The following RPRD1B variants were observed in gnomAD, a reference collection of about 807,000 sequenced individuals.
RPRD1B encodes the protein regulation of nuclear pre-mRNA domain containing 1B, also known as regulation of nuclear pre-mRNA domain-containing protein 1B.
RPRD1B carries 11 observed loss-of-function variants against 41.5 expected under a neutral mutation model. The observed-to-expected ratio is 0.27, with a 90% CI of 0.17 to 0.44. The LOEUF is 0.44. Ranked by LOEUF, RPRD1B falls within the 20% of genes least tolerant of loss-of-function variation. The probability of loss-of-function intolerance (pLI) is 1.00; values close to 1 mark genes in which losing one functional copy is unlikely to be tolerated. For synonymous variants in RPRD1B, 158 were observed against 155.6 expected (o/e 1.02, Z -0.12); for missense variants, 248 against 389.9 (o/e 0.64, Z 3.06).
intron 2 of RPRD1B, among the ~76,000 whole-genome samples, chr20:38,044,482 T>C (rs1198051316): frequency 6.6e-6 from 1 of 151,496 alleles, no homozygotes; most frequent in Non-Finnish European, 1.5e-5. Context: ...CATGCCATTC[T>C]CCTGCCTCAG....
At position 38,090,004 on chromosome 20, in the gene RPRD1B, C is replaced by T; in HGVS notation, c.*129C>T. The stretch of plus-strand genomic sequence containing the variant: ...CCAGCCCCCCAGCCTCAAGAAAGAA[C>T]CTCAGACTCTGATTCTCCTCTTCAG... On this transcript the variant is annotated 3_prime_UTR_variant, in exon 7 of 7. Coordinates refer to ENST00000373433, the MANE Select transcript of RPRD1B (RefSeq NM_021215.4). The T allele has an allele frequency of 6.8e-7, 1 of 1,460,840 alleles. No individual in the cohort carries two copies. The highest frequency in any genetic ancestry group is 2.4e-5 in the East Asian group (1 of 41,798). 90.5% of individuals were successfully genotyped at this position (1,460,840 alleles called of 1,614,324 possible).
chr20:38,048,455 A>G lies in RPRD1B; in HGVS notation c.389A>G (p.Glu130Gly), dbSNP rs1386989716. 11 of 1,611,960 alleles carry G rather than the reference A, an allele frequency of 6.8e-6. No homozygotes were observed. Among genetic ancestry groups the G allele is most frequent in the Admixed American group, 1.7e-5 (1 of 60,004 alleles). Residue 130 changes from glutamate (E) to glycine (G), a missense_variant, in exon 3 of 7, where the codon GAG becomes GGG. By Grantham distance (98) the Glu-to-Gly change is moderately conservative (BLOSUM62 -2). Transcript: ENST00000373433. The stretch of plus-strand genomic sequence containing the variant: ...ATACAGCAGCTGAAGCTGTCTATGG[A>G]GGACTCCAAGAGCCCTCCCCCCAAA... ...EFIQQLKLSMEDSKSPPPKAT... is the reference protein window; with the variant it reads ...EFIQQLKLSMGDSKSPPPKAT...
chr20:38,049,367 CTTTTTTTTTTT>C (rs11481142), intron 3 of RPRD1B, among the ~76,000 whole-genome samples: 5 of 93,418 alleles, frequency 5.4e-5, no homozygotes, highest in Non-Finnish European at 1.0e-4. Flanking sequence ...TTCTTTTTTT[CTTTTTTTTTTT>C]TTTTTTTTTT....
In RPRD1B at chr20:38,090,256, G is replaced by GCTTCTC; in HGVS notation, c.*385_*390dup. The GCTTCTC allele has an allele frequency of 1.0e-6, 1 of 991,930 alleles. No individual in the cohort carries two copies. The highest frequency in any genetic ancestry group is 1.2e-6 in the Non-Finnish European group (1 of 833,784). The allele number at this position is 991,930 out of a possible 1,614,324, so 61.4% of individuals were successfully genotyped here. A position where few individuals can be genotyped will look rare whatever the true frequency, so the allele number is the denominator to read the frequency against. Reference sequence around the variant, plus strand: ...ATGACAGCATTTTATCATGAAAGCAGCTTCTCCTTTCTGGGCTGGGCTTGT... The same window carrying GCTTCTC: ...ATGACAGCATTTTATCATGAAAGCAGCTTCTCCTTCTCCTTTCTGGGCTGGGCTTGT... On this transcript the variant is annotated 3_prime_UTR_variant, in exon 7 of 7. Transcript: ENST00000373433.
At chr20:38,044,443 G>A (rs193105788) in intron 2 of RPRD1B, among the ~76,000 whole-genome samples, 64 of 143,362 alleles carry the variant, frequency 4.5e-4, no homozygotes, top group African/African-American at 1.6e-3. Context: ...GCTTGGTCTT[G>A]GCTCACTGCA....
chr20:38,083,324 T>TTAATC (rs1419243190), intron 6 of RPRD1B, among the ~76,000 whole-genome samples: 3 of 152,246 alleles, frequency 2.0e-5, no homozygotes, highest in Non-Finnish European at 4.4e-5. Context: ...GGTCCATTTA[T>TTAATC]TAATCTGTAT....
At chr20:38,083,509 A>G (rs1256597906) in intron 6 of RPRD1B, among the ~76,000 whole-genome samples, 1 of 152,150 alleles carries the variant, frequency 6.6e-6, no homozygotes, top group Non-Finnish European at 1.5e-5. Context: ...CTATGAGATC[A>G]GGGGTTTTGT....
intron 6 of RPRD1B, among the ~76,000 whole-genome samples, chr20:38,088,505 AAGTC>A (rs371429658): frequency 5.7e-4 from 87 of 152,268 alleles, no homozygotes; most frequent in Middle Eastern, 3.4e-3. Flanking sequence ...AGGGCTTTCT[AAGTC>A]AGCAGGGGCC....
At chr20:38,052,933 C>G (rs2074202951) in intron 3 of RPRD1B, among the ~76,000 whole-genome samples, 1 of 151,914 alleles carries the variant, frequency 6.6e-6, no homozygotes, top group Non-Finnish European at 1.5e-5. Flanking sequence ...CTCCCACAAT[C>G]AGGTTGTAAG....
intron 6 of RPRD1B, chr20:38,085,405 A>G (rs1210692085): frequency 6.6e-6 from 1 of 152,266 alleles, no homozygotes; most frequent in Non-Finnish European, 1.5e-5. Context: ...TGTCTGAAAC[A>G]AGAAGCATGT....
intron 6 of RPRD1B, among the ~76,000 whole-genome samples, chr20:38,072,851 A>T (rs1054411649): frequency 6.6e-6 from 1 of 152,196 alleles, no homozygotes; most frequent in African/African-American, 2.4e-5. Context: ...TATGGACTCA[A>T]TGGAGTCACC....
chr20:38,086,396 A>G (rs544597581), intron 6 of RPRD1B, among the ~76,000 whole-genome samples: 1 of 152,336 alleles, frequency 6.6e-6, no homozygotes, highest in East Asian at 1.9e-4. Flanking sequence ...TTTAAAGGCA[A>G]TTGCTGCCTG....
chr20:38,059,707 T>C (rs544429926), intron 5 of RPRD1B, among the ~76,000 whole-genome samples, 187 bp downstream of exon 5: 1 of 152,346 alleles, frequency 6.6e-6, no homozygotes, highest in South Asian at 2.1e-4. Flanking sequence ...TAGTCAAAGC[T>C]TGAATAGTGA....
intron 6 of RPRD1B, 22 bp from the exon 7 acceptor site, chr20:38,089,704 T>C: frequency 6.2e-7 from 1 of 1,604,602 alleles, no homozygotes; most frequent in Non-Finnish European, 8.5e-7. Context: ...TTAACGGTAT[T>C]GTCTTCTCTT....
chr20:38,090,516 A>G lies in RPRD1B; in HGVS notation c.*641A>G, dbSNP rs181332105. ...ATAAGATTCAAAGCTAATCTGGAGC[A>G]TAAAGGCACAGTTCAGAGACAGAAT... On this transcript the variant is annotated 3_prime_UTR_variant, in exon 7 of 7. Transcript: ENST00000373433. 1.0e-6 allele frequency: 1 copy of G among 985,964 alleles called. No individual in the cohort carries two copies. The allele number at this position is 985,964 out of a possible 1,614,324, so 61.1% of individuals were successfully genotyped here. A position where few individuals can be genotyped will look rare whatever the true frequency, so the allele number is the denominator to read the frequency against.
chr20:38,040,317 A>G (rs2273352), intron 1 of RPRD1B, 118 bp from the exon 2 acceptor site: 97,428 of 653,750 alleles, frequency 0.15, 7,914 homozygotes, highest in South Asian at 0.25. Context: ...TATCTACTTG[A>G]CCCCCCAGGT....
intron 1 of RPRD1B, among the ~76,000 whole-genome samples, chr20:38,037,680 G>A (rs6022547): frequency 0.24 from 35,871 of 151,946 alleles, 5,178 homozygotes; most frequent in African/African-American, 0.42. Flanking sequence ...AATATGGAGG[G>A]ATACAGTTTA....
chr20:38,037,193 G>C (rs2074012305), intron 1 of RPRD1B, among the ~76,000 whole-genome samples: 1 of 151,710 alleles, frequency 6.6e-6, no homozygotes, highest in African/African-American at 2.4e-5. Flanking sequence ...TTCCTGATGT[G>C]TTGTCTTTCC....
rs993013586 is a variant in RPRD1B at position 38,090,075 on chromosome 20, G to A, written c.*200G>A. The stretch of plus-strand genomic sequence containing the variant: ...TCAGAACAGTGGCGACTGGAATCTG[G>A]TTTATATTCATATTTGCAAAGACTA... On this transcript the variant is annotated 3_prime_UTR_variant, in exon 7 of 7. Transcript: ENST00000373433. 4.6e-6 allele frequency: 6 copies of A among 1,299,718 alleles called. No homozygotes were observed. Among genetic ancestry groups the A allele is most frequent in the Non-Finnish European group, 5.9e-6 (6 of 1,022,636 alleles). 80.5% of individuals were successfully genotyped at this position (1,299,718 alleles called of 1,614,324 possible). A position where few individuals can be genotyped will look rare whatever the true frequency, so the allele number is the denominator to read the frequency against.
Sources: gnomAD v4.1 joint callset for allele counts (sites outside exome capture counted in the v4.1 genomes callset) on GRCh38, gnomAD v4.1.1 for gene constraint, MANE v1.5 for transcripts, NCBI Gene and HGNC (gene_info 2026-07-23, HGNC 2026-07-21) for gene names.